Variants in RNF180 observed in about 807,000 individuals in gnomAD.
The protein encoded by RNF180 is E3 ubiquitin-protein ligase RNF180.
A neutral mutation model predicts 59.2 loss-of-function variants in RNF180; 38 were observed. The observed-to-expected ratio is 0.64, with a 90% CI of 0.50 to 0.84. The LOEUF (loss-of-function observed/expected upper bound fraction) is 0.84, where lower values mean the gene tolerates loss of function less well. Ranked by LOEUF, RNF180 falls within the 40% of genes least tolerant of loss-of-function variation. RNF180 has a pLI of 0.00. For missense variants in RNF180, 705 were observed against 700.9 expected (o/e 1.01, Z -0.07); for synonymous variants, 262 against 240.3 (o/e 1.09, Z -0.84).
intron 5 of RNF180, among the ~76,000 whole-genome samples, chr5:64,248,290 C>G (rs906152085): frequency 6.6e-6 from 1 of 152,114 alleles, no homozygotes; most frequent in African/African-American, 2.4e-5. Flanking sequence ...TTCTGCTCAG[C>G]AAAGGAAACT....
chr5:64,358,142 C>G (rs1173250447), intron 7 of RNF180, among the ~76,000 whole-genome samples: 1 of 151,808 alleles, frequency 6.6e-6, no homozygotes, highest in African/African-American at 2.4e-5. Context: ...CTGCTGGGTG[C>G]TCCACCCAAC....
intron 5 of RNF180, among the ~76,000 whole-genome samples, chr5:64,323,128 G>A (rs1176114866): frequency 6.6e-6 from 1 of 152,150 alleles, no homozygotes; most frequent in African/African-American, 2.4e-5. Context: ...GACAAGTAGG[G>A]GCAGAAGGCA....
intron 1 of RNF180, among the ~76,000 whole-genome samples, chr5:64,194,084 A>C (rs1355938840): frequency 2.0e-5 from 3 of 152,086 alleles, no homozygotes; most frequent in African/African-American, 7.2e-5. Context: ...TACATGTGCC[A>C]TGTTGGTGTG....
intron 4 of RNF180, among the ~76,000 whole-genome samples, chr5:64,216,282 G>T (rs188534226): frequency 3.5e-4 from 53 of 152,188 alleles, no homozygotes; most frequent in African/African-American, 8.2e-4. Flanking sequence ...AGTCTGTTTT[G>T]CTAATTCAAG....
intron 1 of RNF180, among the ~76,000 whole-genome samples, chr5:64,188,534 T>A (rs1750980014): frequency 6.6e-6 from 1 of 152,174 alleles, no homozygotes; most frequent in African/African-American, 2.4e-5. Flanking sequence ...ATTTTCTAAG[T>A]TGGTATGCTT....
At chr5:64,265,495 A>G (rs1402231967) in intron 5 of RNF180, among the ~76,000 whole-genome samples, 1 of 152,150 alleles carries the variant, frequency 6.6e-6, no homozygotes, top group East Asian at 1.9e-4. Context: ...TCCTTTCCCC[A>G]TTGCTCATTT....
At chr5:64,215,864 A>G (rs189595631) in intron 4 of RNF180, among the ~76,000 whole-genome samples, 16 of 152,304 alleles carry the variant, frequency 1.1e-4, no homozygotes, top group East Asian at 9.6e-4. Context: ...AACATCTGCA[A>G]TTTAAAAATG....
intron 5 of RNF180, among the ~76,000 whole-genome samples, chr5:64,285,761 G>A (rs191890156): frequency 3.9e-5 from 6 of 152,210 alleles, no homozygotes; most frequent in Non-Finnish European, 7.4e-5. Flanking sequence ...GTCTAGGTCC[G>A]ACAGTCACCC....
intron 5 of RNF180, among the ~76,000 whole-genome samples, chr5:64,248,672 T>A (rs1743349269): frequency 6.6e-6 from 1 of 152,160 alleles, no homozygotes; most frequent in Non-Finnish European, 1.5e-5. Flanking sequence ...TGTAAATTAG[T>A]TCAACCATTG....
intron 1 of RNF180, among the ~76,000 whole-genome samples, chr5:64,191,190 C>T (rs1338277278): frequency 6.6e-6 from 1 of 152,112 alleles, no homozygotes; most frequent in Non-Finnish European, 1.5e-5. Flanking sequence ...AGAAAGTTCC[C>T]ATTTATTTCT....
chr5:64,351,511 GC>G (rs1161069752), intron 7 of RNF180, among the ~76,000 whole-genome samples: 5 of 152,028 alleles, frequency 3.3e-5, no homozygotes, highest in Non-Finnish European at 7.4e-5. Flanking sequence ...TCCAGTTTTT[GC>G]CCATTCAGTA....
intron 7 of RNF180, among the ~76,000 whole-genome samples, chr5:64,363,370 T>C (rs1029488767): frequency 1.2e-4 from 19 of 152,034 alleles, no homozygotes; most frequent in Admixed American, 4.6e-4. Flanking sequence ...CATTGTTTGT[T>C]CATGTCAGCT....
At chr5:64,265,497 T>C (rs1221477187) in intron 5 of RNF180, among the ~76,000 whole-genome samples, 1 of 152,170 alleles carries the variant, frequency 6.6e-6, no homozygotes, top group Non-Finnish European at 1.5e-5. Flanking sequence ...CTTTCCCCAT[T>C]GCTCATTTTT....
In RNF180 at chr5:64,268,463, G is replaced by C. The variant is rs140615854; in HGVS notation, c.1227+51067G>C. On this transcript the variant is annotated intron_variant, in intron 5 of 7. Transcript: ENST00000389100. ...TATTATAAATTTCCCTATATCTTAG[G>C]TAGAGAGAATTTGCATAGAGGGGCA... 3.9e-3 allele frequency among the ~76,000 whole-genome samples: 597 copies of C among 151,960 alleles called. 3 individuals are homozygous for C. Among genetic ancestry groups the C allele is most frequent in the African/African-American group, 0.014 (578 of 41,426 alleles).
chr5:64,262,398 C>G (rs181608325), intron 5 of RNF180, among the ~76,000 whole-genome samples: 1 of 152,232 alleles, frequency 6.6e-6, no homozygotes, highest in Non-Finnish European at 1.5e-5. Flanking sequence ...CATATACCAA[C>G]TTGTACATTG....
Position 64,200,859 on chromosome 5 carries a change from A to G in RNF180, c.52A>G (p.Ser18Gly). The stretch of plus-strand genomic sequence containing the variant: ...TAAAAATCATAGTCAAGAGGAAACA[A>G]GTATTCTTCGTTGTTGGAAATGTAG... ...ITKNHSQEET[S>G]ILRCWKCRKC... Residue 18 changes from serine (S) to glycine (G), a missense_variant, in exon 2 of 8, where the codon AGT becomes GGT. Physicochemically the swap from Ser to Gly is moderately conservative, Grantham distance 56. Coordinates refer to ENST00000389100, the MANE Select transcript of RNF180 (RefSeq NM_001113561.2). The G allele has an allele frequency of 6.2e-7, 1 of 1,611,902 alleles. No individual in the cohort carries two copies. The highest frequency in any genetic ancestry group is 8.5e-7 in the Non-Finnish European group (1 of 1,178,012).
chr5:64,329,495 T>A (rs1306181423), intron 6 of RNF180, among the ~76,000 whole-genome samples: 2 of 150,956 alleles, frequency 1.3e-5, no homozygotes, highest in South Asian at 2.1e-4. Context: ...TCTCACTTCT[T>A]CGCCCAGGCT....
At chr5:64,215,507 G>T (rs997039996) in intron 4 of RNF180, among the ~76,000 whole-genome samples, 1 of 151,962 alleles carries the variant, frequency 6.6e-6, no homozygotes, top group African/African-American at 2.4e-5. Flanking sequence ...ATTTCTATAG[G>T]TAATTTTTTA....
At chr5:64,210,543 T>C (rs1292194277) in intron 2 of RNF180, among the ~76,000 whole-genome samples, 11 of 152,188 alleles carry the variant, frequency 7.2e-5, no homozygotes, top group Admixed American at 3.3e-4. Flanking sequence ...CTAGGGTGTT[T>C]GTTTTCATGC....
Sources: gnomAD v4.1 joint callset for allele counts (sites outside exome capture counted in the v4.1 genomes callset) on GRCh38, gnomAD v4.1.1 for gene constraint, MANE v1.5 for transcripts, NCBI Gene and HGNC (gene_info 2026-07-23, HGNC 2026-07-21) for gene names.